NYAP2: variants seen among roughly 807,000 people sequenced by gnomAD.
NYAP2 encodes the protein neuronal tyrosine-phosphorylated phosphoinositide-3-kinase adaptor 2.
A neutral mutation model predicts 50.4 loss-of-function variants in NYAP2; 23 were observed. That is an observed-to-expected ratio of 0.46 (90% CI 0.33 to 0.65). The LOEUF is 0.65. NYAP2 is among the 30% of genes least tolerant of loss of function. The probability of loss-of-function intolerance (pLI) is 0.02; values close to 1 mark genes in which losing one functional copy is unlikely to be tolerated. For missense variants in NYAP2, 885 were observed against 861.0 expected (o/e 1.03, Z -0.35); for synonymous variants, 394 against 365.2 (o/e 1.08, Z -0.90).
intron 4 of NYAP2, among the ~76,000 whole-genome samples, chr2:225,560,658 A>C (rs868354037): frequency 6.6e-6 from 1 of 152,090 alleles, no homozygotes; most frequent in Non-Finnish European, 1.5e-5. Context: ...TAATTGATCA[A>C]TTGGAACAGA....
In NYAP2 at chr2:225,462,679, C is replaced by T. The variant is rs139203054; in HGVS notation, c.222-50692C>T. 2.2e-3 allele frequency among the ~76,000 whole-genome samples: 338 copies of T among 152,292 alleles called. 2 individuals carry two copies. Among genetic ancestry groups the T allele is most frequent in the African/African-American group, 7.8e-3 (322 of 41,548 alleles). ...TCCCTGACTTCGCAAATGTGAATGA[C>T]CTGAATCAGAGCACAATCAGAATGT... On this transcript the variant is annotated intron_variant, in intron 3 of 6. Coordinates refer to ENST00000636099, the Ensembl canonical transcript of NYAP2.
At chr2:225,497,539 T>G (rs561433260) in intron 3 of NYAP2, among the ~76,000 whole-genome samples, 1 of 152,306 alleles carries the variant, frequency 6.6e-6, no homozygotes, top group East Asian at 1.9e-4. Flanking sequence ...ATAGAAATGT[T>G]TGTAAAATGC....
intron 3 of NYAP2, among the ~76,000 whole-genome samples, chr2:225,425,553 A>G (rs1695274825): frequency 6.6e-6 from 1 of 152,210 alleles, no homozygotes; most frequent in Non-Finnish European, 1.5e-5. Context: ...TTGGAATGGG[A>G]AACTTAATGT....
chr2:225,423,518 A>G (rs1000654567), intron 3 of NYAP2, among the ~76,000 whole-genome samples: 2 of 152,200 alleles, frequency 1.3e-5, no homozygotes, highest in Non-Finnish European at 2.9e-5. Context: ...GCATGTATGA[A>G]CTATTCTAGG....
At chr2:225,553,393 A>C (rs1052920412) in intron 4 of NYAP2, among the ~76,000 whole-genome samples, 2 of 152,250 alleles carry the variant, frequency 1.3e-5, no homozygotes, top group African/African-American at 4.8e-5. Context: ...TCCCAACTCC[A>C]GAATCACAGG....
the NYAP2 span, among the ~76,000 whole-genome samples, chr2:225,673,116 T>C: frequency 7.2e-5 from 11 of 151,938 alleles, no homozygotes; most frequent in Non-Finnish European, 1.5e-4. Flanking sequence ...CTTATATGGA[T>C]GGTGGCAGGC....
At chr2:225,526,015 T>C (rs1691143482) in intron 4 of NYAP2, among the ~76,000 whole-genome samples, 1 of 152,156 alleles carries the variant, frequency 6.6e-6, no homozygotes, top group Admixed American at 6.6e-5. Context: ...CCTGGTTTTA[T>C]AACTGCAAGG....
At chr2:225,536,175 G>C (rs1016806695) in intron 4 of NYAP2, among the ~76,000 whole-genome samples, 3 of 152,114 alleles carry the variant, frequency 2.0e-5, no homozygotes, top group South Asian at 2.1e-4. Context: ...CTGGGATAAA[G>C]GCTACCCCTC....
intron 3 of NYAP2, among the ~76,000 whole-genome samples, chr2:225,461,965 G>T (rs962606985): frequency 1.3e-5 from 2 of 152,106 alleles, no homozygotes; most frequent in African/African-American, 2.4e-5. Context: ...TTGAATGTGG[G>T]TGTCTCAACA....
chr2:225,663,896 T>G, the NYAP2 span, among the ~76,000 whole-genome samples: 6 of 152,196 alleles, frequency 3.9e-5, no homozygotes, highest in African/African-American at 1.4e-4. Flanking sequence ...CTCCAAGAGT[T>G]GCCTGACTCT....
At position 225,508,744 on chromosome 2, in the gene NYAP2, C is replaced by T. The variant is rs143591249; in HGVS notation, c.222-4627C>T. ...TTGCCTGAATCTGGGAAGAAGTAAT[C>T]AGGTGTAATACCTCATTGTGCTCAT... On this transcript the variant is annotated intron_variant, in intron 3 of 6. Transcript: ENST00000636099. Among the ~76,000 whole-genome samples, 801 of 152,350 alleles carry T rather than the reference C, an allele frequency of 5.3e-3. 3 individuals are homozygous for T. Among genetic ancestry groups the T allele is most frequent in the Non-Finnish European group, 7.4e-3 (505 of 68,034 alleles).
chr2:225,605,930 A>G (rs1322164876), intron 5 of NYAP2, among the ~76,000 whole-genome samples: 1 of 152,128 alleles, frequency 6.6e-6, no homozygotes, highest in Non-Finnish European at 1.5e-5. Context: ...AAATATGTTA[A>G]GTGTTGCTAA....
downstream of NYAP2, among the ~76,000 whole-genome samples, chr2:225,654,725 A>G (rs1037104272): frequency 3.9e-5 from 6 of 152,080 alleles, no homozygotes; most frequent in African/African-American, 1.4e-4. Context: ...AACAAACAAA[A>G]TCAGTCACTC....
intron 3 of NYAP2, among the ~76,000 whole-genome samples, chr2:225,496,501 T>C (rs374555627): frequency 6.6e-6 from 1 of 152,156 alleles, no homozygotes; most frequent in South Asian, 2.1e-4. Flanking sequence ...AAATCCTGTA[T>C]TTTCCAAGGT....
chr2:225,627,221 C>A, intron 6 of NYAP2, 95 bp downstream of exon 6: 2 of 941,988 alleles, frequency 2.1e-6, no homozygotes, highest in Non-Finnish European at 3.3e-6. Flanking sequence ...CCACAGATAT[C>A]TCTGTCTGCA....
intron 5 of NYAP2, among the ~76,000 whole-genome samples, chr2:225,609,510 C>G (rs1692843275): frequency 6.6e-6 from 1 of 152,124 alleles, no homozygotes; most frequent in Admixed American, 6.5e-5. Context: ...TGGAAGTCAG[C>G]TTGGGGCCAG....
intron 5 of NYAP2, among the ~76,000 whole-genome samples, chr2:225,591,018 C>T (rs1270587666): frequency 2.0e-5 from 3 of 152,154 alleles, no homozygotes; most frequent in East Asian, 1.9e-4. Flanking sequence ...GTCCAGAAGG[C>T]GAGGAAGAAA....
intron 4 of NYAP2, among the ~76,000 whole-genome samples, chr2:225,515,511 C>T (rs1433119691): frequency 6.6e-6 from 1 of 151,896 alleles, no homozygotes; most frequent in African/African-American, 2.4e-5. Flanking sequence ...TATTCCTCTG[C>T]CCTCTTAGAG....
chr2:225,420,733 C>G (rs73099725), intron 3 of NYAP2, among the ~76,000 whole-genome samples: 1,724 of 151,920 alleles, frequency 0.011, 37 homozygotes, highest in African/African-American at 0.04. Flanking sequence ...ACCTCAGCCT[C>G]TGGAGTAGCT....
Sources: allele counts gnomAD v4.1 joint callset (sites outside exome capture counted in the v4.1 genomes callset), GRCh38; gene constraint gnomAD v4.1.1; transcripts MANE v1.5; gene names NCBI Gene and HGNC (gene_info 2026-07-23, HGNC 2026-07-21).